Variants in KNDC1 observed in about 807,000 individuals in gnomAD.
The protein encoded by KNDC1 is kinase non-catalytic C-lobe domain-containing protein 1.
KNDC1 carries 106 observed loss-of-function variants against 172.8 expected under a neutral mutation model. The ratio of observed to expected loss-of-function variants is 0.61; its 90% CI spans 0.52 to 0.72. The LOEUF (loss-of-function observed/expected upper bound fraction) is 0.72, where lower values mean the gene tolerates loss of function less well. Among genes scored for constraint, KNDC1 ranks in the 30% least tolerant of loss-of-function variants. The pLI, the probability that KNDC1 is intolerant of heterozygous loss-of-function variation, is 0.00. For missense variants in KNDC1, 2,325 were observed against 2,394.5 expected (o/e 0.97, Z 0.61); for synonymous variants, 1,083 against 1,062.2 (o/e 1.02, Z -0.38).
chr10:133,184,591 T>G (rs1324039655), intron 5 of KNDC1, among the ~76,000 whole-genome samples: 1 of 152,186 alleles, frequency 6.6e-6, no homozygotes, highest in Non-Finnish European at 1.5e-5. Context: ...AATGCACACA[T>G]TACACACCCG....
At chr10:133,203,089 C>T (rs1854421760) in intron 17 of KNDC1, among the ~76,000 whole-genome samples, 1 of 151,044 alleles carries the variant, frequency 6.6e-6, no homozygotes, top group Non-Finnish European at 1.5e-5. Flanking sequence ...GCGGGGAGCA[C>T]TCCACCCCCA....
At chr10:133,205,792 G>A (rs1456788691) in intron 17 of KNDC1, among the ~76,000 whole-genome samples, 5 of 152,054 alleles carry the variant, frequency 3.3e-5, no homozygotes, top group African/African-American at 4.8e-5. Flanking sequence ...TTGTGATCGC[G>A]CCACTGCACT....
At chr10:133,190,870 C>T (rs527948457) in intron 9 of KNDC1, among the ~76,000 whole-genome samples, 5 of 152,286 alleles carry the variant, frequency 3.3e-5, no homozygotes, top group Admixed American at 3.3e-4. Context: ...AAACAAAAAC[C>T]GCGTCCGTGA....
At chr10:133,199,986 A>G (rs1307932735) in intron 15 of KNDC1, among the ~76,000 whole-genome samples, 1 of 152,050 alleles carries the variant, frequency 6.6e-6, no homozygotes, top group Non-Finnish European at 1.5e-5. Context: ...CAGACCCCAC[A>G]GGGCCCAGCA....
chr10:133,193,672 T>C (rs74405661), intron 9 of KNDC1, among the ~76,000 whole-genome samples: 3,339 of 152,274 alleles, frequency 0.022, 45 homozygotes, highest in Middle Eastern at 0.034. Flanking sequence ...ATGTACTGTC[T>C]ACCAGAAACT....
chr10:133,166,564 ATGAG>A (rs774736634), intron 1 of KNDC1, among the ~76,000 whole-genome samples: 11 of 152,044 alleles, frequency 7.2e-5, no homozygotes, highest in Non-Finnish European at 1.5e-4. Context: ...TTCTCATTGC[ATGAG>A]TGTGTGTGTG....
At position 133,220,071 on chromosome 10, in the gene KNDC1, C is replaced by T. The variant is rs1383544370; in HGVS notation, c.4977C>T (p.Gly1659=). The change falls in exon 29 of 30, where the codon GGC becomes GGT. Residue 1659 remains glycine (G), a synonymous_variant. Coordinates refer to ENST00000304613, the MANE Select transcript of KNDC1 (RefSeq NM_152643.8). ...ACATCCAGCAGCTGGAGACAGGCGG[C>T]TTCACCATGACCAACGGGGCCCACA... ...AMHIQQLETG[G]FTMTNGAHRW... is the part of the protein sequence containing the mutation. 2 of 1,566,556 alleles carry T rather than the reference C, an allele frequency of 1.3e-6. No homozygotes were observed. The highest frequency in any genetic ancestry group is 1.9e-5 in the Admixed American group (1 of 53,004).
At chr10:133,180,525 T>A (rs1853686181) in intron 3 of KNDC1, among the ~76,000 whole-genome samples, 1 of 152,272 alleles carries the variant, frequency 6.6e-6, no homozygotes, top group Non-Finnish European at 1.5e-5. Flanking sequence ...TAGGTCTGGA[T>A]ATCTTAAAAT....
rs1325347200 is a variant in KNDC1 at position 133,212,823 on chromosome 10, C to G, written c.4344C>G (p.Asp1448Glu). 2 of 1,614,022 alleles carry G rather than the reference C, an allele frequency of 1.2e-6. No individual in the cohort carries two copies. Among genetic ancestry groups the G allele is most frequent in the East Asian group, 4.5e-5 (2 of 44,882 alleles). Reference protein sequence around the residue: ...AALPKPCFLEDFYGPCAKTSE... With the variant: ...AALPKPCFLEEFYGPCAKTSE... ...TGCCCAAGCCCTGCTTCCTCGAGGA[C>G]TTCTACGGCCCCTGCGCCAAGACCA... The change falls in exon 24 of 30, where the codon GAC (aspartate) becomes GAG (glutamate). Residue 1448 changes from aspartate (D) to glutamate (E), a missense_variant. Transcript: ENST00000304613.
chr10:133,163,167 C>T lies in KNDC1; in HGVS notation c.102+2598C>T, dbSNP rs1419430315. 2.0e-5 allele frequency among the ~76,000 whole-genome samples: 3 copies of T among 152,150 alleles called. No homozygotes were observed. Among genetic ancestry groups the T allele is most frequent in the Admixed American group, 2.0e-4 (3 of 15,272 alleles). On this transcript the variant is annotated intron_variant, in intron 1 of 29. Coordinates refer to ENST00000304613, the MANE Select transcript of KNDC1 (RefSeq NM_152643.8). This position sits in a 1 kb window ranked among gnomAD's most constrained non-coding sequence, Gnocchi z 4.4. ...GGCACACAGTCCAGGCGGCTGGAGT[C>T]GATGGATGGGCAATGCTGGCTGCCC...
chr10:133,176,070 GTGGA>G (rs760002535), intron 3 of KNDC1, among the ~76,000 whole-genome samples: 1 of 150,996 alleles, frequency 6.6e-6, no homozygotes, highest in African/African-American at 2.4e-5. Flanking sequence ...GAGTGGATAG[GTGGA>G]TGGATGGATG....
intron 1 of KNDC1, among the ~76,000 whole-genome samples, chr10:133,164,498 G>A (rs552872077): frequency 1.3e-5 from 2 of 151,988 alleles, no homozygotes; most frequent in East Asian, 3.9e-4. Flanking sequence ...GCGCTGGGCA[G>A]ACAGACAGGC....
In KNDC1 at chr10:133,200,078, C is replaced by T. The variant is rs538222185; in HGVS notation, c.2904-297C>T. 3.3e-5 allele frequency among the ~76,000 whole-genome samples: 5 copies of T among 152,248 alleles called. No homozygotes were observed. In the East Asian group the frequency reaches 9.7e-4, roughly 30 times the overall value. On this transcript the variant is annotated intron_variant, in intron 15 of 29. Transcript: ENST00000304613. ...CGCGGTGCCAGCAGCCCGGGCAGCT[C>T]CTCCGCGTGCGTGTGGAGTAAACAC...
chr10:133,165,827 CCAAAT>C (rs1462591155), intron 1 of KNDC1, among the ~76,000 whole-genome samples: 8 of 152,176 alleles, frequency 5.3e-5, no homozygotes, highest in Admixed American at 1.3e-4. Flanking sequence ...AGGCTTGAGC[CCAAAT>C]CAAACACCTT....
rs1852916679 is a variant in KNDC1, at chr10:133,160,306, GC to G, written c.-158del. 1 of 200,002 alleles carries G rather than the reference GC, an allele frequency of 5.0e-6. No homozygotes were observed. Among genetic ancestry groups the G allele is most frequent in the Admixed American group, 6.2e-5 (1 of 16,248 alleles). 12.4% of individuals were successfully genotyped at this position (200,002 alleles called of 1,614,324 possible). A position where few individuals can be genotyped will look rare whatever the true frequency, so the allele number is the denominator to read the frequency against. ...CGCGCCCCCCGCGCCCCCCGGGCCC[GC>G]CCCGTATCCCTGACCGCGTCCCCTG... On this transcript the variant is annotated 5_prime_UTR_variant, in exon 1 of 30. Coordinates refer to ENST00000304613, the MANE Select transcript of KNDC1 (RefSeq NM_152643.8).
In KNDC1 at chr10:133,200,396, A is replaced by G. The variant is rs79443070; in HGVS notation, c.2925A>G (p.Ser975=). The change falls in exon 16 of 30, where the codon TCA becomes TCG. Residue 975 remains serine, a synonymous_variant. Transcript: ENST00000304613. ...TCAGCACGGCCGAGGAGGCTGGGTC[A>G]CAGCTCGAGGGCAGCCAAAGCCCCC... ...PSPSTAEEAG[S]QLEGSQSPRS... 6.0e-4 allele frequency: 958 copies of G among 1,596,244 alleles called. 6 individuals are homozygous for G. In the East Asian group the frequency reaches 0.016, roughly 26 times the overall value.
intron 16 of KNDC1, among the ~76,000 whole-genome samples, chr10:133,201,107 G>A (rs900254867): frequency 8.5e-5 from 13 of 152,230 alleles, no homozygotes; most frequent in Non-Finnish European, 1.0e-4. Flanking sequence ...GGAAGCTCCC[G>A]CAGGGACAGA....
Position 133,195,644 on chromosome 10 carries a change from T to C in KNDC1, c.1576-19T>C. On this transcript the variant is annotated intron_variant, in intron 9 of 29. Coordinates refer to ENST00000304613, the MANE Select transcript of KNDC1 (RefSeq NM_152643.8). ...CCCACAGCCCTGCGGTAGACACTAT[T>C]CTCTCCCCACCCGCCCAGGCCTCTG... 1 of 1,540,872 alleles carries C rather than the reference T, an allele frequency of 6.5e-7. No homozygotes were observed. The highest frequency in any genetic ancestry group is 8.8e-7 in the Non-Finnish European group (1 of 1,142,374).
intron 3 of KNDC1, among the ~76,000 whole-genome samples, chr10:133,181,498 G>A (rs919464421): frequency 2.2e-4 from 34 of 152,220 alleles, no homozygotes; most frequent in African/African-American, 7.7e-4. Context: ...CCAGAGGTGC[G>A]TGCACAGCAG....
Sources: allele counts gnomAD v4.1 joint callset (sites outside exome capture counted in the v4.1 genomes callset), GRCh38; gene constraint gnomAD v4.1.1; non-coding constraint Gnocchi (gnomAD v3.1); transcripts MANE v1.5; gene names NCBI Gene and HGNC (gene_info 2026-07-23, HGNC 2026-07-21).